The following APC variants were observed in gnomAD, a reference collection of about 807,000 sequenced individuals.
APC encodes the protein adenomatous polyposis coli protein.
In APC, 72 loss-of-function variants were observed where a neutral mutation model predicts 247.0. That is an observed-to-expected ratio of 0.29 (90% CI 0.24 to 0.35). The LOEUF is 0.35. Among genes scored for constraint, APC ranks in the 10% least tolerant of loss-of-function variants. The probability of loss-of-function intolerance (pLI) is 1.00; values close to 1 mark genes in which losing one functional copy is unlikely to be tolerated. For synonymous variants in APC, 1,254 were observed against 1,162.5 expected, an observed-to-expected ratio of 1.08 and a Z score of -1.60; for missense variants, 3,400 against 3,360.7, an observed-to-expected ratio of 1.01 and a Z score of -0.29.
intron 8 of APC, among the ~76,000 whole-genome samples, chr5:112,813,044 A>C (rs1489829001): frequency 1.3e-5 from 2 of 152,186 alleles, no homozygotes; most frequent in South Asian, 4.1e-4. Context: ...GCCACTCTGG[A>C]CTCTGAACTA....
chr5:112,828,506 G>T (rs920531538), intron 13 of APC, among the ~76,000 whole-genome samples: 7 of 150,942 alleles, frequency 4.6e-5, no homozygotes, highest in African/African-American at 1.5e-4. Context: ...AGGCTGGAGT[G>T]CAGTGGTGCG....
In APC at chr5:112,762,073, T is replaced by TA. The variant is rs200226622; in HGVS notation, c.136-4249dup. Among the ~76,000 whole-genome samples, 1,126 of 152,300 alleles carry TA rather than the reference T, an allele frequency of 7.4e-3. 10 individuals carry two copies. Among genetic ancestry groups the TA allele is most frequent in the African/African-American group, 0.025 (1,049 of 41,560 alleles). On this transcript the variant is annotated intron_variant, in intron 2 of 15. Transcript: ENST00000257430. ...AGTAACAAAAAGACAATCCAGTTTT[T>TA]AAAATGTGACCCAGGGACTTGAAAA...
rs1415852656 is a variant in APC at position 112,844,401 on chromosome 5, A to G, written c.*275A>G. The G allele has an allele frequency of 2.1e-5, 8 of 377,118 alleles. No individual in the cohort carries two copies. Among genetic ancestry groups the G allele is most frequent in the East Asian group, 4.3e-5 (1 of 23,262 alleles). 23.4% of individuals were successfully genotyped at this position (377,118 alleles called of 1,614,324 possible). On this transcript the variant is annotated 3_prime_UTR_variant, in exon 16 of 16. Coordinates refer to ENST00000257430, the MANE Select transcript of APC (RefSeq NM_000038.6). ...GTATTTAAAGTAGCATCCCATCCCA[A>G]CTTCCTTTAATTATTGCTTGTCTTA...
intron 1 of APC, among the ~76,000 whole-genome samples, chr5:112,738,147 G>T (rs1752546553): frequency 6.6e-6 from 1 of 152,150 alleles, no homozygotes; most frequent in Admixed American, 6.5e-5. Flanking sequence ...GGAAGAAGGG[G>T]GAGGGGTAGA....
At position 112,819,235 on chromosome 5, in the gene APC, G is replaced by T. The variant is rs587780589; in HGVS notation, c.1203G>T (p.Arg401Ser). ...CACAGCCTGATGACAAGAGAGGCAG[G>T]CGTGAAATCCGAGTCCTTCATCTTT... ...IHSQPDDKRG[R>S]REIRVLHLLE... The change falls in exon 10 of 16, where the codon AGG becomes AGT. Residue 401 changes from arginine (R) to serine (S), a missense_variant. Physicochemically the swap from Arg to Ser is moderately radical, Grantham distance 110 (BLOSUM62 -1). Around this residue, in one of 9 missense-constraint regions of APC, gnomAD observed 199 missense variants for 212.5 expected, o/e 0.94. Coordinates refer to ENST00000257430, the MANE Select transcript of APC (RefSeq NM_000038.6). The T allele has an allele frequency of 6.2e-7, 1 of 1,613,968 alleles. No individual in the cohort carries two copies. Among genetic ancestry groups the T allele is most frequent in the Non-Finnish European group, 8.5e-7 (1 of 1,179,942 alleles).
intron 15 of APC, among the ~76,000 whole-genome samples, chr5:112,836,009 CTTT>C (rs371484714): frequency 0.045 from 4,783 of 105,338 alleles, 24 homozygotes; most frequent in Middle Eastern, 0.082. Context: ...ATACAACTGT[CTTT>C]TTTTTTTTTT....
intron 2 of APC, among the ~76,000 whole-genome samples, chr5:112,757,663 A>G (rs1755138654): frequency 6.6e-6 from 1 of 152,192 alleles, no homozygotes; most frequent in Non-Finnish European, 1.5e-5. Context: ...AGCCTGGGCA[A>G]AAGAGCCAGA....
intron 1 of APC, among the ~76,000 whole-genome samples, chr5:112,743,951 A>C (rs1753331487): frequency 6.6e-6 from 1 of 151,940 alleles, no homozygotes; most frequent in African/African-American, 2.4e-5. Context: ...CAGTCCTCCC[A>C]ACTGAGCCTC....
In APC at chr5:112,840,591, C is replaced by G. The variant is rs764731359; in HGVS notation, c.4997C>G (p.Pro1666Arg). The G allele has an allele frequency of 6.2e-7, 1 of 1,614,094 alleles. No individual in the cohort carries two copies. Among genetic ancestry groups the G allele is most frequent in the Non-Finnish European group, 8.5e-7 (1 of 1,180,002 alleles). Reference protein sequence around the residue: ...SLSDLTIESPPNELAAGEGVR... With the variant: ...SLSDLTIESPRNELAAGEGVR... Reference sequence around the variant, plus strand: ...AGTGATCTAACAATCGAATCCCCTCCAAATGAGTTAGCTGCTGGAGAAGGA... The same window carrying G: ...AGTGATCTAACAATCGAATCCCCTCGAAATGAGTTAGCTGCTGGAGAAGGA... Residue 1666 changes from proline to arginine, a missense_variant, in exon 16 of 16, where the codon CCA becomes CGA. By Grantham distance (103) the Pro-to-Arg change is moderately radical (BLOSUM62 -2). This residue lies in a region of APC where 1,788 missense variants were observed against 1,649.5 expected (regional missense o/e 1.08). Coordinates refer to ENST00000257430, the MANE Select transcript of APC (RefSeq NM_000038.6). The surrounding 1 kb of genome is among the most constrained non-coding windows in gnomAD (Gnocchi z 4.1).
At chr5:112,795,805 A>G (rs978761537) in intron 7 of APC, among the ~76,000 whole-genome samples, 2 of 152,242 alleles carry the variant, frequency 1.3e-5, no homozygotes, top group Non-Finnish European at 2.9e-5. Flanking sequence ...TGAAATCGAA[A>G]TGTAAAGCAA....
intron 9 of APC, among the ~76,000 whole-genome samples, chr5:112,817,285 T>C (rs1762609601): frequency 6.6e-6 from 1 of 152,252 alleles, no homozygotes; most frequent in Non-Finnish European, 1.5e-5. Context: ...TGTATACTCT[T>C]TCTTTACTGT....
intron 1 of APC, among the ~76,000 whole-genome samples, chr5:112,721,372 C>CCA (rs1751475506): frequency 6.6e-6 from 1 of 151,928 alleles, no homozygotes; most frequent in African/African-American, 2.4e-5. Context: ...AGAGATTGCG[C>CCA]CACTACACTC....
At chr5:112,836,374 G>T (rs1261668777) in intron 15 of APC, among the ~76,000 whole-genome samples, 1 of 152,076 alleles carries the variant, frequency 6.6e-6, no homozygotes, top group Admixed American at 6.6e-5. Flanking sequence ...TTTTAAGTCT[G>T]TGATGCAGAA....
At chr5:112,813,311 T>G (rs1299763488) in intron 8 of APC, among the ~76,000 whole-genome samples, 2 of 152,160 alleles carry the variant, frequency 1.3e-5, no homozygotes, top group Non-Finnish European at 2.9e-5. Context: ...TAAAATAGTT[T>G]TGTGCACTAG....
intron 8 of APC, chr5:112,810,057 C>T (rs991037681): frequency 6.7e-6 from 3 of 445,274 alleles, no homozygotes; most frequent in Non-Finnish European, 9.0e-6. Flanking sequence ...TGTGAACTGC[C>T]CAAGAGAGAA....
At position 112,767,468 on chromosome 5, in the gene APC, T is replaced by G; in HGVS notation, c.422+78T>G. On this transcript the variant is annotated intron_variant, in intron 4 of 15. Transcript: ENST00000257430. Reference sequence around the variant, plus strand: ...ATTTTGTAATATAATATTTAAATTGTGAATTTATAGTAGGTGATAGCTAAC... The same window carrying G: ...ATTTTGTAATATAATATTTAAATTGGGAATTTATAGTAGGTGATAGCTAAC... 4.9e-6 allele frequency: 6 copies of G among 1,219,132 alleles called. No individual in the cohort carries two copies. The South Asian group carries it at 5.4e-5, about 11-fold the overall frequency. The allele number at this position is 1,219,132 out of a possible 1,614,324, so 75.5% of individuals were successfully genotyped here.
intron 11 of APC, among the ~76,000 whole-genome samples, chr5:112,826,674 C>CAA (rs796620960): frequency 2.4e-5 from 3 of 126,660 alleles, no homozygotes; most frequent in East Asian, 2.2e-4. Flanking sequence ...AATTATTTGC[C>CAA]AAAAAAAAAA....
chr5:112,792,851 T>C (rs926710731), intron 7 of APC, among the ~76,000 whole-genome samples: 8 of 152,254 alleles, frequency 5.3e-5, no homozygotes, highest in African/African-American at 1.9e-4. Flanking sequence ...ATAGTAAGAA[T>C]TGATAATACA....
exon 1 of APC, chr5:112,707,691 T>C (rs2149630257): frequency 7.3e-7 from 1 of 1,370,598 alleles, no homozygotes; most frequent in East Asian, 3.4e-5. Context: ...AAGCACTCAG[T>C]TGCCTTCTCG....
Sources: gnomAD v4.1 joint callset for allele counts (sites outside exome capture counted in the v4.1 genomes callset) on GRCh38, gnomAD v4.1.1 for gene constraint, gnomAD v4.1.1 regional missense constraint, Gnocchi (gnomAD v3.1) non-coding constraint, MANE v1.5 for transcripts, NCBI Gene and HGNC (gene_info 2026-07-23, HGNC 2026-07-21) for gene names.